The following PRKD1 variants were observed in gnomAD, a reference collection of about 807,000 sequenced individuals.
The protein encoded by PRKD1 is serine/threonine-protein kinase D1.
Under a neutral mutation model 95.9 loss-of-function variants are expected in PRKD1, and 63 were observed. The ratio of observed to expected loss-of-function variants is 0.66; its 90% CI spans 0.54 to 0.81. PRKD1 has a LOEUF of 0.81. Ranked by LOEUF, PRKD1 falls within the 30% of genes least tolerant of loss-of-function variation. The pLI is 0.00. For missense variants in PRKD1, 1,048 were observed against 1,165.3 expected (o/e 0.90, Z 1.47); for synonymous variants, 425 against 423.1 (o/e 1.00, Z -0.05).
At chr14:29,678,388 TC>T (rs1475956908) in intron 2 of PRKD1, among the ~76,000 whole-genome samples, 3 of 152,184 alleles carry the variant, frequency 2.0e-5, no homozygotes, top group Admixed American at 1.3e-4. Flanking sequence ...TCTATAGTAT[TC>T]TTTCCTTTTC....
intron 1 of PRKD1, among the ~76,000 whole-genome samples, 167 bp downstream of exon 1, chr14:29,927,082 G>T (rs895742339): frequency 2.0e-5 from 3 of 151,980 alleles, no homozygotes; most frequent in African/African-American, 7.2e-5. Flanking sequence ...GCAGCGCCTC[G>T]GGTTGCAGGC....
At chr14:29,885,933 C>A (rs1566654805) in intron 1 of PRKD1, among the ~76,000 whole-genome samples, 1 of 151,814 alleles carries the variant, frequency 6.6e-6, no homozygotes, top group Non-Finnish European at 1.5e-5. Context: ...TACCACCATG[C>A]TCCAGCCTGG....
intron 4 of PRKD1, among the ~76,000 whole-genome samples, chr14:29,642,317 T>A (rs905842851): frequency 6.6e-6 from 1 of 152,212 alleles, no homozygotes; most frequent in African/African-American, 2.4e-5. Flanking sequence ...AGCAAAAATA[T>A]AAAATTCCAA....
At chr14:29,674,910 T>C (rs1035161067) in intron 2 of PRKD1, among the ~76,000 whole-genome samples, 4 of 152,220 alleles carry the variant, frequency 2.6e-5, no homozygotes, top group African/African-American at 9.7e-5. Context: ...TCAGGTTGCT[T>C]TAAGTCTCAC....
At chr14:29,687,281 C>T (rs909215625) in intron 2 of PRKD1, among the ~76,000 whole-genome samples, 4 of 152,132 alleles carry the variant, frequency 2.6e-5, no homozygotes, top group Admixed American at 2.0e-4. Context: ...AAAGTGCTTG[C>T]GGTAATTCTA....
rs559664275 is a variant in PRKD1, at chr14:29,761,528, C to A, written c.265-35854G>T. Among the ~76,000 whole-genome samples, 8 of 152,280 alleles carry A rather than the reference C, an allele frequency of 5.3e-5. No individual in the cohort carries two copies. In the South Asian group the frequency reaches 1.7e-3, roughly 32 times the overall value. ...GCTGAGATAGATGAGACTTCCACCT[C>A]TACTCTAGACAGATCCAAACCAGTG... is the stretch of plus-strand genomic sequence containing the variant. On this transcript the variant is annotated intron_variant, in intron 1 of 17. Coordinates refer to ENST00000331968, the MANE Select transcript of PRKD1 (RefSeq NM_002742.3).
chr14:29,901,547 CTT>C (rs1167153339), intron 1 of PRKD1, among the ~76,000 whole-genome samples: 1 of 152,104 alleles, frequency 6.6e-6, no homozygotes, highest in Non-Finnish European at 1.5e-5. Context: ...AAATGTCAAA[CTT>C]TGTCAAAAGC....
At chr14:29,722,621 A>G (rs1594459240) in intron 2 of PRKD1, among the ~76,000 whole-genome samples, 1 of 152,318 alleles carries the variant, frequency 6.6e-6, no homozygotes, top group African/African-American at 2.4e-5. Flanking sequence ...CCTCATATCT[A>G]TGGATAACAA....
intron 13 of PRKD1, among the ~76,000 whole-genome samples, chr14:29,619,500 A>G (rs1241651705): frequency 2.0e-5 from 3 of 152,198 alleles, no homozygotes; most frequent in East Asian, 1.9e-4. Context: ...AAACAAATCA[A>G]TGTTAACTGT....
intron 13 of PRKD1, among the ~76,000 whole-genome samples, chr14:29,614,673 T>G (rs1408032302): frequency 2.0e-5 from 3 of 151,898 alleles, no homozygotes; most frequent in Non-Finnish European, 2.9e-5. Flanking sequence ...TTTAAAATGT[T>G]GCCATCAAGA....
intron 16 of PRKD1, among the ~76,000 whole-genome samples, chr14:29,586,768 A>C (rs898134870): frequency 6.6e-6 from 1 of 151,940 alleles, no homozygotes; most frequent in Non-Finnish European, 1.5e-5. Flanking sequence ...CAGCCTCCTG[A>C]GTAGCTGGGA....
intron 1 of PRKD1, among the ~76,000 whole-genome samples, chr14:29,849,310 G>A (rs1892207018): frequency 6.6e-6 from 1 of 152,068 alleles, no homozygotes; most frequent in African/African-American, 2.4e-5. Flanking sequence ...AGTTTCCTGA[G>A]ACCTCCCCAG....
intron 1 of PRKD1, among the ~76,000 whole-genome samples, chr14:29,912,438 G>A (rs78305100): frequency 0.016 from 2,496 of 152,168 alleles, 46 homozygotes; most frequent in Middle Eastern, 0.048. Flanking sequence ...ATTTTTCAGA[G>A]CCAGAATATT....
chr14:29,876,341 T>C (rs1383208203), intron 1 of PRKD1, among the ~76,000 whole-genome samples: 2 of 152,234 alleles, frequency 1.3e-5, no homozygotes, highest in South Asian at 2.1e-4. Flanking sequence ...GATCAAGAGT[T>C]TGCCTACAAA....
At chr14:29,799,281 ACT>A (rs1197855639) in intron 1 of PRKD1, among the ~76,000 whole-genome samples, 1 of 152,180 alleles carries the variant, frequency 6.6e-6, no homozygotes, top group Non-Finnish European at 1.5e-5. Context: ...TAATGAACTG[ACT>A]CTGTAAATCT....
At chr14:29,841,876 C>A (rs950991068) in intron 1 of PRKD1, among the ~76,000 whole-genome samples, 13 of 151,834 alleles carry the variant, frequency 8.6e-5, no homozygotes, top group Admixed American at 6.5e-5. Flanking sequence ...ACACATTGTG[C>A]AGCTGTACCC....
intron 1 of PRKD1, among the ~76,000 whole-genome samples, chr14:29,777,074 C>T (rs554199933): frequency 5.9e-5 from 9 of 152,222 alleles, no homozygotes; most frequent in East Asian, 3.9e-4. Context: ...AAATAAAATC[C>T]TTTACAGACA....
chr14:29,703,638 AGAT>A (rs1297195523), intron 2 of PRKD1, among the ~76,000 whole-genome samples: 1 of 152,216 alleles, frequency 6.6e-6, no homozygotes, highest in Non-Finnish European at 1.5e-5. Context: ...GTATAAAGGA[AGAT>A]GATAAGATTT....
intron 16 of PRKD1, among the ~76,000 whole-genome samples, chr14:29,597,129 A>G (rs1309041213): frequency 1.3e-5 from 2 of 152,192 alleles, no homozygotes; most frequent in African/African-American, 2.4e-5. Context: ...TATCAATGTC[A>G]TAACATTCTT....
Sources: allele counts gnomAD v4.1 joint callset (sites outside exome capture counted in the v4.1 genomes callset), GRCh38; gene constraint gnomAD v4.1.1; transcripts MANE v1.5; gene names NCBI Gene and HGNC (gene_info 2026-07-23, HGNC 2026-07-21).